TGFA: variants seen among roughly 807,000 people sequenced by gnomAD.
TGFA encodes the protein transforming growth factor alpha, also known as protransforming growth factor alpha.
In TGFA, 12 loss-of-function variants were observed where a neutral mutation model predicts 21.7. The ratio of observed to expected loss-of-function variants is 0.55; its 90% confidence interval spans 0.35 to 0.90. The LOEUF (loss-of-function observed/expected upper bound fraction) is 0.90. Among genes scored for constraint, TGFA ranks in the 40% least tolerant of loss-of-function variants. TGFA has a pLI of 0.01. For synonymous variants in TGFA, 79 were observed against 88.1 expected, an observed-to-expected ratio of 0.90 and a Z score of 0.58; for missense variants, 178 against 210.8, an observed-to-expected ratio of 0.84 and a Z score of 0.96.
At chr2:70,522,160 A>G (rs992975715) in intron 1 of TGFA, among the ~76,000 whole-genome samples, 1 of 152,176 alleles carries the variant, frequency 6.6e-6, no homozygotes, top group African/African-American at 2.4e-5. Context: ...GGCCTAACGC[A>G]CCTACATAGG....
At chr2:70,497,389 C>T (rs7575169) in intron 2 of TGFA, among the ~76,000 whole-genome samples, 1 of 152,198 alleles carries the variant, frequency 6.6e-6, no homozygotes, top group Non-Finnish European at 1.5e-5. Context: ...TTAGGAGGCT[C>T]ATTTTAAGAT....
In TGFA at chr2:70,523,486, G is replaced by A. The variant is rs78824999; in HGVS notation, c.41-8574C>T. Among the ~76,000 whole-genome samples, 1,336 of 152,192 alleles carry A rather than the reference G, an allele frequency of 8.8e-3. 16 individuals carry two copies. The highest frequency in any genetic ancestry group is 0.03 in the African/African-American group (1,259 of 41,490). On this transcript the variant is annotated intron_variant, in intron 1 of 5. Transcript: ENST00000295400. The stretch of plus-strand genomic sequence containing the variant: ...CCACCCAAATGTTTCTACCTAGTCC[G>A]GGTCTCTTACAAACACTAACTCCTT...
intron 2 of TGFA, among the ~76,000 whole-genome samples, chr2:70,486,317 GTCTGAGTACC>G (rs1457601073): frequency 7.9e-5 from 12 of 152,182 alleles, no homozygotes; most frequent in Non-Finnish European, 1.8e-4. Context: ...TTCCATCCGT[GTCTGAGTACC>G]TCTAAGGTAT....
intron 2 of TGFA, among the ~76,000 whole-genome samples, chr2:70,500,914 G>A (rs146969035): frequency 1.9e-3 from 288 of 151,826 alleles, no homozygotes; most frequent in Non-Finnish European, 3.6e-3. Flanking sequence ...CATTTTAATT[G>A]GGTGTAATCC....
At chr2:70,484,651 C>T (rs1230787527) in intron 2 of TGFA, among the ~76,000 whole-genome samples, 2 of 152,126 alleles carry the variant, frequency 1.3e-5, no homozygotes, top group African/African-American at 2.4e-5. Flanking sequence ...ATAAGAAAGA[C>T]AAAAAGATAA....
At chr2:70,489,622 A>G (rs1553497202) in intron 2 of TGFA, among the ~76,000 whole-genome samples, 1 of 152,250 alleles carries the variant, frequency 6.6e-6, no homozygotes, top group African/African-American at 2.4e-5. Flanking sequence ...AAGGAGGATA[A>G]AGGCTGTGGT....
chr2:70,537,853 C>T (rs411821), intron 1 of TGFA, among the ~76,000 whole-genome samples: 18,371 of 152,208 alleles, frequency 0.12, 1,286 homozygotes, highest in Middle Eastern at 0.2. Context: ...AAGGTGGCTA[C>T]TCTGCACAAT....
intron 1 of TGFA, among the ~76,000 whole-genome samples, chr2:70,520,754 C>T (rs1171147143): frequency 6.6e-6 from 1 of 152,036 alleles, no homozygotes; most frequent in East Asian, 1.9e-4. Flanking sequence ...ACCGGACCGA[C>T]CCTATATTCC....
At chr2:70,522,368 C>A (rs1485425680) in intron 1 of TGFA, among the ~76,000 whole-genome samples, 1 of 152,148 alleles carries the variant, frequency 6.6e-6, no homozygotes, top group African/African-American at 2.4e-5. Context: ...AGCTCTAGGT[C>A]TTGGTTCTTA....
At chr2:70,498,559 T>C (rs1553498646) in intron 2 of TGFA, among the ~76,000 whole-genome samples, 5 of 152,110 alleles carry the variant, frequency 3.3e-5, no homozygotes, top group African/African-American at 1.2e-4. Context: ...ATCATCAAGT[T>C]AAGTGGAGGG....
At chr2:70,511,714 G>A (rs116941824) in intron 2 of TGFA, among the ~76,000 whole-genome samples, 2 of 152,094 alleles carry the variant, frequency 1.3e-5, no homozygotes, top group East Asian at 1.9e-4. Flanking sequence ...AAAATACCCC[G>A]GCACAGGGAG....
At chr2:70,521,219 C>T (rs1359898079) in intron 1 of TGFA, among the ~76,000 whole-genome samples, 1 of 152,174 alleles carries the variant, frequency 6.6e-6, no homozygotes, top group Non-Finnish European at 1.5e-5. Context: ...CAGAACCCAG[C>T]CCCAAGTCCT....
intron 1 of TGFA, among the ~76,000 whole-genome samples, chr2:70,533,145 AGCC>A (rs1389773823): frequency 6.6e-6 from 1 of 152,048 alleles, no homozygotes; most frequent in African/African-American, 2.4e-5. Context: ...TACAGGCGTG[AGCC>A]GCCACGCCCA....
intron 1 of TGFA, among the ~76,000 whole-genome samples, chr2:70,517,270 T>A (rs1553501714): frequency 1.3e-5 from 2 of 152,218 alleles, no homozygotes; most frequent in Non-Finnish European, 2.9e-5. Context: ...TTCTATACCC[T>A]CACGGAAAAC....
At chr2:70,520,934 C>G (rs1488649445) in intron 1 of TGFA, among the ~76,000 whole-genome samples, 1 of 152,074 alleles carries the variant, frequency 6.6e-6, no homozygotes, top group Non-Finnish European at 1.5e-5. Flanking sequence ...CCTTCCCTCT[C>G]CTTCACCCAG....
chr2:70,483,457 C>A (rs576037407), intron 2 of TGFA, among the ~76,000 whole-genome samples: 4 of 152,282 alleles, frequency 2.6e-5, no homozygotes, highest in African/African-American at 9.6e-5. Flanking sequence ...AAGTAAAATT[C>A]ATCTGTACCT....
intron 1 of TGFA, among the ~76,000 whole-genome samples, chr2:70,550,818 C>T (rs1318542783): frequency 6.6e-6 from 1 of 152,054 alleles, no homozygotes; most frequent in Non-Finnish European, 1.5e-5. Flanking sequence ...GAGACTCCGT[C>T]TCAAAAAACA....
At chr2:70,493,399 T>C (rs1671489621) in intron 2 of TGFA, among the ~76,000 whole-genome samples, 1 of 152,158 alleles carries the variant, frequency 6.6e-6, no homozygotes, top group African/African-American at 2.4e-5. Context: ...GCAGTGATTT[T>C]AGCATAGGAG....
intron 1 of TGFA, among the ~76,000 whole-genome samples, chr2:70,532,360 G>A (rs969818374): frequency 4.6e-5 from 7 of 152,092 alleles, no homozygotes; most frequent in African/African-American, 1.2e-4. Flanking sequence ...TTATCTTCAC[G>A]GCCAAGCAGG....
Sources: allele counts gnomAD v4.1 joint callset (sites outside exome capture counted in the v4.1 genomes callset), GRCh38; gene constraint gnomAD v4.1.1; transcripts MANE v1.5; gene names NCBI Gene and HGNC (gene_info 2026-07-23, HGNC 2026-07-21).